ANKRD30B: variants seen among roughly 807,000 people sequenced by gnomAD.
The protein encoded by ANKRD30B is ankyrin repeat domain-containing protein 30B.
ANKRD30B carries 144 observed loss-of-function variants against 202.2 expected under a neutral mutation model. The ratio of observed to expected loss-of-function variants is 0.71; its 90% confidence interval spans 0.62 to 0.82. The LOEUF is 0.82. Among genes scored for constraint, ANKRD30B ranks in the 40% least tolerant of loss-of-function variants. ANKRD30B has a pLI of 0.00. For missense variants in ANKRD30B, 1,487 were observed against 1,669.1 expected, an observed-to-expected ratio of 0.89 and a Z score of 1.90; for synonymous variants, 508 against 561.3, an observed-to-expected ratio of 0.91 and a Z score of 1.34.
intron 9 of ANKRD30B, among the ~76,000 whole-genome samples, chr18:14,774,798 T>C (rs1967247058): frequency 6.6e-6 from 1 of 151,284 alleles, no homozygotes; most frequent in African/African-American, 2.4e-5. Flanking sequence ...TACGTAAGAG[T>C]AAATTTTTGT....
chr18:14,878,943 G>C, the ANKRD30B span, among the ~76,000 whole-genome samples: 1 of 152,190 alleles, frequency 6.6e-6, no homozygotes, highest in Non-Finnish European at 1.5e-5. Context: ...GGGCGGAGCT[G>C]AGTTCTCCTC....
the ANKRD30B span, among the ~76,000 whole-genome samples, chr18:14,885,897 C>T: frequency 6.6e-6 from 1 of 151,736 alleles, no homozygotes; most frequent in African/African-American, 2.4e-5. Context: ...TTTTTCCTTT[C>T]TAATTGTTAG....
chr18:14,838,832 T>C (rs1971289225), intron 36 of ANKRD30B, among the ~76,000 whole-genome samples: 1 of 152,266 alleles, frequency 6.6e-6, no homozygotes, highest in African/African-American at 2.4e-5. Context: ...TTGCATGTGA[T>C]GAAATAATGT....
Position 14,777,300 on chromosome 18 carries a change from A to AT in ANKRD30B, c.1330-676dup, listed in dbSNP as rs547021046. Reference sequence around the variant, plus strand: ...TTAAAGTTAAAAAAAAGTTTTAATTATTTTTTTTTCTTTTTTGAGACAGAG... The same window carrying AT: ...TTAAAGTTAAAAAAAAGTTTTAATTATTTTTTTTTTCTTTTTTGAGACAGAG... On this transcript the variant is annotated intron_variant, in intron 9 of 43. Transcript: ENST00000690538. 9.3e-5 allele frequency among the ~76,000 whole-genome samples: 14 copies of AT among 151,294 alleles called. No individual in the cohort carries two copies. In the East Asian group the frequency reaches 9.8e-4, roughly 11 times the overall value.
At chr18:14,782,416 T>C (rs1297772813) in intron 11 of ANKRD30B, 111 bp from the exon 12 acceptor site, 1 of 799,056 alleles carries the variant, frequency 1.3e-6, no homozygotes, top group Non-Finnish European at 1.9e-6. Context: ...TATCCTCAAA[T>C]CAAATTGCCT....
At chr18:14,879,802 A>G in the ANKRD30B span, among the ~76,000 whole-genome samples, 1 of 151,792 alleles carries the variant, frequency 6.6e-6, no homozygotes, top group Non-Finnish European at 1.5e-5. Context: ...GGTCAGGGTC[A>G]GGGGTCAGGG....
the ANKRD30B span, among the ~76,000 whole-genome samples, chr18:14,929,799 G>A: frequency 1.3e-5 from 2 of 152,148 alleles, no homozygotes; most frequent in Admixed American, 6.5e-5. Context: ...GCATGTGTGT[G>A]TGTATGTGTG....
intron 16 of ANKRD30B, among the ~76,000 whole-genome samples, chr18:14,793,755 G>T (rs1486352736): frequency 6.6e-6 from 1 of 151,790 alleles, no homozygotes. Context: ...TTAGCCGGGC[G>T]TGGCGGTGGG....
At chr18:14,912,446 C>T in the ANKRD30B span, among the ~76,000 whole-genome samples, 1 of 152,232 alleles carries the variant, frequency 6.6e-6, no homozygotes, top group African/African-American at 2.4e-5. Context: ...TTGGACTATC[C>T]TTGCATCCCT....
At chr18:14,816,185 G>T (rs190023632) in intron 30 of ANKRD30B, 1 of 152,106 alleles carries the variant, frequency 6.6e-6, no homozygotes, top group Non-Finnish European at 1.5e-5. Flanking sequence ...TCAGTGTCAC[G>T]ATTTGCTCCT....
the ANKRD30B span, among the ~76,000 whole-genome samples, chr18:14,917,161 G>T: frequency 6.6e-6 from 1 of 152,160 alleles, no homozygotes; most frequent in Admixed American, 6.5e-5. Flanking sequence ...AGTGCCTACT[G>T]CAGGCTATTA....
chr18:14,750,184 G>A (rs1913207132), intron 1 of ANKRD30B, among the ~76,000 whole-genome samples: 1 of 152,106 alleles, frequency 6.6e-6, no homozygotes, highest in Admixed American at 6.5e-5. Context: ...ATGTGTGTGT[G>A]TGTATACATA....
intron 26 of ANKRD30B, 147 bp from the exon 27 acceptor site, chr18:14,809,839 T>TA (rs1969804049): frequency 2.5e-6 from 2 of 786,466 alleles, no homozygotes; most frequent in Non-Finnish European, 4.3e-6. Flanking sequence ...TGTTAACAAA[T>TA]ACAATAACCC....
chr18:14,865,886 C>G, the ANKRD30B span, among the ~76,000 whole-genome samples: 7 of 152,162 alleles, frequency 4.6e-5, no homozygotes, highest in Non-Finnish European at 8.8e-5. Flanking sequence ...TACAGAAGAA[C>G]CTGGAATAGC....
rs549730208 is a variant in ANKRD30B at position 14,818,520 on chromosome 18, C to T, written c.2641+3809C>T. ...ATGCTATCCCTCCCCCCTCCCCCCA[C>T]CCTACAACAGTCCCCAGAGTGTGAT... is the stretch of plus-strand genomic sequence containing the variant. On this transcript the variant is annotated intron_variant, in intron 30 of 43. Transcript: ENST00000690538. 2.0e-3 allele frequency among the ~76,000 whole-genome samples: 186 copies of T among 91,336 alleles called. 2 individuals carry two copies. The highest frequency in any genetic ancestry group is 6.4e-3 in the African/African-American group (179 of 27,870). The allele number at this position is 91,336 out of a possible 152,430, so 59.9% of individuals were successfully genotyped here.
chr18:14,793,896 GAA>G (rs536175717), intron 16 of ANKRD30B, among the ~76,000 whole-genome samples: 2 of 141,008 alleles, frequency 1.4e-5, no homozygotes, highest in African/African-American at 5.1e-5. Context: ...ACCGACAAAA[GAA>G]AAAAAAAAAA....
chr18:14,901,219 G>A, the ANKRD30B span, among the ~76,000 whole-genome samples: 15 of 152,168 alleles, frequency 9.9e-5, no homozygotes, highest in Admixed American at 3.3e-4. Flanking sequence ...AGACAATATC[G>A]CTTTACTTTG....
chr18:14,748,628 A>G lies in ANKRD30B; in HGVS notation c.209A>G (p.Asp70Gly), dbSNP rs745517825. 4.5e-6 allele frequency: 7 copies of G among 1,563,228 alleles called. No individual in the cohort carries two copies. The highest frequency in any genetic ancestry group is 3.5e-5 in the South Asian group (3 of 84,598). Reference sequence around the variant, plus strand: ...AAGCCCGTCAACCTGAACAAAAGAGATATGAAGAAGAGGTACCAGGCCCTG... The same window carrying G: ...AAGCCCGTCAACCTGAACAAAAGAGGTATGAAGAAGAGGTACCAGGCCCTG... ...GKKPVNLNKR[D>G]MKKRTALHWA... Residue 70 changes from aspartate to glycine, a missense_variant, in exon 1 of 44, where the codon GAT becomes GGT. By Grantham distance (94) the Asp-to-Gly change is moderately conservative (BLOSUM62 -1). Coordinates refer to ENST00000690538, the MANE Select transcript of ANKRD30B (RefSeq NM_001367607.2).
chr18:14,772,159 T>G lies in ANKRD30B; in HGVS notation c.1260T>G (p.Leu420=). ...DVSSVEPIFS[L]FGTRTIENSQ... ...GTTGTATCATTTTTCTTTAAAGTCT[T>G]TTTGGCACACGGACTATTGAAAATT... The change falls in exon 9 of 44, where the codon CTT becomes CTG. Residue 420 remains leucine (L), a synonymous_variant. Transcript: ENST00000690538. The G allele has an allele frequency of 6.7e-7, 1 of 1,498,298 alleles. No homozygotes were observed. Among genetic ancestry groups the G allele is most frequent in the South Asian group, 1.4e-5 (1 of 74,038 alleles). The allele number at this position is 1,498,298 out of a possible 1,614,324, so 92.8% of individuals were successfully genotyped here.
Sources: allele counts gnomAD v4.1 joint callset (sites outside exome capture counted in the v4.1 genomes callset), GRCh38; gene constraint gnomAD v4.1.1; transcripts MANE v1.5; gene names NCBI Gene and HGNC (gene_info 2026-07-23, HGNC 2026-07-21).